Variants in PDE7B observed in about 807,000 individuals in gnomAD.
PDE7B encodes phosphodiesterase 7B, also known as 3',5'-cyclic-AMP phosphodiesterase 7B.
PDE7B carries 29 observed loss-of-function variants against 56.2 expected under a neutral mutation model. That is an observed-to-expected ratio of 0.52 (90% CI 0.38 to 0.70). The LOEUF is 0.70. Among genes scored for constraint, PDE7B ranks in the 30% least tolerant of loss-of-function variants. PDE7B has a pLI of 0.00. For synonymous variants in PDE7B, 197 were observed against 196.9 expected (o/e 1.00, Z 0.00); for missense variants, 490 against 565.0 (o/e 0.87, Z 1.35).
intron 2 of PDE7B, among the ~76,000 whole-genome samples, chr6:136,013,731 G>A (rs1014303110): frequency 1.3e-5 from 2 of 152,204 alleles, no homozygotes; most frequent in African/African-American, 2.4e-5. Context: ...AGAAGAACTC[G>A]AAGCAATCCA....
chr6:135,909,252 C>G (rs1051743332), intron 1 of PDE7B, among the ~76,000 whole-genome samples: 7 of 152,136 alleles, frequency 4.6e-5, no homozygotes, highest in Non-Finnish European at 1.0e-4. Flanking sequence ...GAAGGGATCT[C>G]AGAGGTGTGG....
intron 9 of PDE7B, among the ~76,000 whole-genome samples, 172 bp downstream of exon 9, chr6:136,174,060 G>A (rs1778937380): frequency 6.6e-6 from 1 of 152,160 alleles, no homozygotes; most frequent in Non-Finnish European, 1.5e-5. Flanking sequence ...CAGCAACCCA[G>A]AAACCAAAAT....
chr6:136,191,497 T>C, intron 12 of PDE7B, 117 bp from the exon 13 acceptor site: 1 of 825,286 alleles, frequency 1.2e-6, no homozygotes, highest in Non-Finnish European at 1.9e-6. Flanking sequence ...GGAAACCCCA[T>C]CTCTACTAAA....
chr6:136,000,764 G>A lies in PDE7B; in HGVS notation c.82+53240G>A, dbSNP rs531854075. On this transcript the variant is annotated intron_variant, in intron 2 of 12. Coordinates refer to ENST00000308191, the MANE Select transcript of PDE7B (RefSeq NM_018945.4). The stretch of plus-strand genomic sequence containing the variant: ...CTGCCTCTGTAGGCTCCACCTCTGG[G>A]GGCAGGGCACAGACAAACAAAAAGA... Among the ~76,000 whole-genome samples, 34 of 152,278 alleles carry A rather than the reference G, an allele frequency of 2.2e-4. No individual in the cohort carries two copies. The East Asian group carries it at 5.8e-3, about 26-fold the overall frequency.
At position 136,191,797 on chromosome 6, in the gene PDE7B, G is replaced by A. The variant is rs770673099; in HGVS notation, c.1310G>A (p.Gly437Asp). Residue 437 changes from glycine to aspartate, a missense_variant, in exon 13 of 13, where the codon GGC becomes GAC. By Grantham distance (94) the Gly-to-Asp change is moderately conservative. Coordinates refer to ENST00000308191, the MANE Select transcript of PDE7B (RefSeq NM_018945.4). ...AGCGGGCCTGACCACGACCACGCAG[G>A]CCAAGGGACTGAGAGCGAGGAGCAG... ...SGSGPDHDHA[G>D]QGTESEEQEG... 5 of 1,564,574 alleles carry A rather than the reference G, an allele frequency of 3.2e-6. No individual in the cohort carries two copies. Among genetic ancestry groups the A allele is most frequent in the South Asian group, 1.2e-5 (1 of 85,624 alleles).
intron 1 of PDE7B, among the ~76,000 whole-genome samples, chr6:135,881,226 G>A (rs924455616): frequency 2.6e-5 from 4 of 151,954 alleles, no homozygotes; most frequent in Non-Finnish European, 2.9e-5. Flanking sequence ...GGCCAGGCAC[G>A]GTGGCTCACA....
intron 2 of PDE7B, among the ~76,000 whole-genome samples, chr6:135,961,962 A>C (rs1343166534): frequency 6.6e-6 from 1 of 152,168 alleles, no homozygotes; most frequent in Non-Finnish European, 1.5e-5. Context: ...TGCAACATCA[A>C]GAGTGAACTG....
intron 9 of PDE7B, among the ~76,000 whole-genome samples, 174 bp downstream of exon 9, chr6:136,174,062 A>G (rs948862929): frequency 6.6e-6 from 1 of 152,150 alleles, no homozygotes; most frequent in African/African-American, 2.4e-5. Flanking sequence ...GCAACCCAGA[A>G]ACCAAAATCT....
chr6:135,926,334 A>G (rs9483894), intron 1 of PDE7B, among the ~76,000 whole-genome samples: 22 of 151,988 alleles, frequency 1.4e-4, no homozygotes, highest in Non-Finnish European at 2.8e-4. Flanking sequence ...TGATCTGCCC[A>G]CCTTGGCCTC....
chr6:135,877,082 A>AC (rs1775510206), intron 1 of PDE7B, among the ~76,000 whole-genome samples: 1 of 151,360 alleles, frequency 6.6e-6, no homozygotes, highest in African/African-American at 2.4e-5. Context: ...TTAAAAAAAA[A>AC]TCTACCGAAT....
intron 1 of PDE7B, among the ~76,000 whole-genome samples, chr6:135,890,317 T>C (rs1271929900): frequency 2.0e-5 from 3 of 152,226 alleles, no homozygotes; most frequent in Non-Finnish European, 4.4e-5. Flanking sequence ...ACCGTAAGTT[T>C]ATCAGACAGG....
At chr6:136,029,880 T>C (rs1776216987) in intron 2 of PDE7B, among the ~76,000 whole-genome samples, 1 of 152,198 alleles carries the variant, frequency 6.6e-6, no homozygotes, top group Admixed American at 6.5e-5. Context: ...AAGGGTCCAG[T>C]AGGAATCCCT....
chr6:136,162,864 A>C (rs917512972), intron 8 of PDE7B, among the ~76,000 whole-genome samples: 3 of 152,204 alleles, frequency 2.0e-5, no homozygotes, highest in African/African-American at 7.2e-5. Flanking sequence ...AAGTTCCAAA[A>C]TGATCTCCTT....
intron 2 of PDE7B, among the ~76,000 whole-genome samples, chr6:135,994,627 C>T (rs940941019): frequency 3.3e-5 from 5 of 152,118 alleles, no homozygotes; most frequent in Non-Finnish European, 7.4e-5. Flanking sequence ...ACTTTTTAAA[C>T]TCAAGAACAC....
At chr6:136,032,951 C>G (rs958126195) in intron 2 of PDE7B, among the ~76,000 whole-genome samples, 2 of 152,170 alleles carry the variant, frequency 1.3e-5, no homozygotes, top group African/African-American at 4.8e-5. Context: ...TTTTGTAACT[C>G]TCAGATAAGT....
intron 2 of PDE7B, among the ~76,000 whole-genome samples, chr6:136,099,067 T>C (rs953430144): frequency 1.3e-5 from 2 of 152,078 alleles, no homozygotes; most frequent in Non-Finnish European, 2.9e-5. Context: ...AGAATGATGG[T>C]TTCCAGCTTC....
intron 1 of PDE7B, among the ~76,000 whole-genome samples, chr6:135,938,248 T>C (rs1774453942): frequency 6.6e-6 from 1 of 152,228 alleles, no homozygotes; most frequent in African/African-American, 2.4e-5. Context: ...AATGACTGTA[T>C]ATAAGTGAAA....
intron 2 of PDE7B, among the ~76,000 whole-genome samples, chr6:136,083,155 G>A (rs912925910): frequency 6.6e-6 from 1 of 152,186 alleles, no homozygotes; most frequent in Non-Finnish European, 1.5e-5. Flanking sequence ...GATAACTGAG[G>A]CCTATCAGTG....
At chr6:135,890,975 A>G (rs983898548) in intron 1 of PDE7B, among the ~76,000 whole-genome samples, 3 of 152,216 alleles carry the variant, frequency 2.0e-5, no homozygotes, top group Non-Finnish European at 4.4e-5. Flanking sequence ...TCCATAAGCC[A>G]TGTGCCAAAA....
Sources: allele counts gnomAD v4.1 joint callset (sites outside exome capture counted in the v4.1 genomes callset), GRCh38; gene constraint gnomAD v4.1.1; transcripts MANE v1.5; gene names NCBI Gene and HGNC (gene_info 2026-07-23, HGNC 2026-07-21).